Variants in EDAR observed in about 807,000 individuals in gnomAD.
The protein encoded by EDAR is ectodysplasin A receptor, also known as tumor necrosis factor receptor superfamily member EDAR.
In EDAR, 38 loss-of-function variants were observed where a neutral mutation model predicts 51.3. The observed-to-expected ratio is 0.74, with a 90% confidence interval of 0.57 to 0.97. The LOEUF is 0.97. EDAR is among the 50% of genes least tolerant of loss of function. The pLI is 0.00. For missense variants in EDAR, 528 were observed against 595.0 expected, an observed-to-expected ratio of 0.89 and a Z score of 1.17; for synonymous variants, 227 against 242.1, an observed-to-expected ratio of 0.94 and a Z score of 0.58.
intron 1 of EDAR, among the ~76,000 whole-genome samples, chr2:108,973,058 C>T (rs1311238078): frequency 1.3e-5 from 2 of 152,160 alleles, no homozygotes; most frequent in African/African-American, 4.8e-5. Context: ...GCAATTTCAG[C>T]TCACCGTAAC....
chr2:108,913,923 C>T (rs1436728992), intron 5 of EDAR, among the ~76,000 whole-genome samples: 2 of 127,632 alleles, frequency 1.6e-5, no homozygotes, highest in African/African-American at 2.9e-5. Context: ...GCACTCCAGC[C>T]TGGGTGACAC....
chr2:108,931,152 CA>C, intron 1 of EDAR, 120 bp from the exon 2 acceptor site: 1 of 809,654 alleles, frequency 1.2e-6, no homozygotes, highest in Non-Finnish European at 2.1e-6. Flanking sequence ...GGAAACTATA[CA>C]TCCTAAAAGA....
intron 1 of EDAR, among the ~76,000 whole-genome samples, chr2:108,937,542 TGA>T (rs199830192): frequency 2.3e-4 from 35 of 151,902 alleles, no homozygotes; most frequent in East Asian, 9.7e-4. Flanking sequence ...TGTATGTGTG[TGA>T]GTGTGTGAAT....
At position 108,906,357 on chromosome 2, in the gene EDAR, C is replaced by T; in HGVS notation, c.975G>A (p.Arg325=). 2 of 1,614,156 alleles carry T rather than the reference C, an allele frequency of 1.2e-6. No homozygotes were observed. The highest frequency in any genetic ancestry group is 1.7e-6 in the Non-Finnish European group (2 of 1,180,014). ...CATACACATCGAGGATCTTTTTCCT[C>T]CGGCTTTGAATCTGTGAAAAAGAGT... ...TSNKSAGIQS[R]RKKILDVYAN... Residue 325 remains arginine (R), a synonymous_variant, in exon 11 of 12, where the codon CGG becomes CGA. Coordinates refer to ENST00000258443, the MANE Select transcript of EDAR (RefSeq NM_022336.4).
At chr2:108,948,623 G>C (rs1697761312) in intron 1 of EDAR, among the ~76,000 whole-genome samples, 1 of 152,166 alleles carries the variant, frequency 6.6e-6, no homozygotes, top group Admixed American at 6.5e-5. Context: ...GCAGGAGAGA[G>C]AGAGAGAGTG....
intron 1 of EDAR, among the ~76,000 whole-genome samples, chr2:108,962,911 C>T (rs1698079437): frequency 6.6e-6 from 1 of 152,164 alleles, no homozygotes; most frequent in Non-Finnish European, 1.5e-5. Context: ...GATCTGCAGA[C>T]AATCCCAGTG....
chr2:108,927,146 C>T (rs771487583), intron 4 of EDAR, among the ~76,000 whole-genome samples: 9 of 152,184 alleles, frequency 5.9e-5, no homozygotes, highest in Non-Finnish European at 1.0e-4. Flanking sequence ...CGTCTGCACC[C>T]CTGCGGAGCA....
intron 5 of EDAR, among the ~76,000 whole-genome samples, chr2:108,922,645 C>A (rs1298921926): frequency 6.6e-6 from 1 of 152,100 alleles, no homozygotes; most frequent in Non-Finnish European, 1.5e-5. Flanking sequence ...GGCAGGGTCC[C>A]AGGGTCAGCT....
chr2:108,986,760 G>A (rs1698507327), intron 1 of EDAR, among the ~76,000 whole-genome samples: 2 of 152,088 alleles, frequency 1.3e-5, no homozygotes, highest in Non-Finnish European at 2.9e-5. Flanking sequence ...TATTTTTTAG[G>A]AAAATAGTAA....
chr2:108,933,416 G>A (rs1219261953), intron 1 of EDAR, among the ~76,000 whole-genome samples: 1 of 152,176 alleles, frequency 6.6e-6, no homozygotes, highest in East Asian at 1.9e-4. Flanking sequence ...GGAGAAGGGG[G>A]TCCCAGGGGA....
chr2:108,895,273 A>G lies in EDAR; in HGVS notation c.*1634T>C, dbSNP rs890040265. On this transcript the variant is annotated 3_prime_UTR_variant, in exon 12 of 12. Coordinates refer to ENST00000258443, the MANE Select transcript of EDAR (RefSeq NM_022336.4). Reference sequence around the variant, plus strand: ...AAAGATATGACTGATTTTCCCCCTAAAGCATTTTTTCAGTCATGCAACTTG... The same window carrying G: ...AAAGATATGACTGATTTTCCCCCTAGAGCATTTTTTCAGTCATGCAACTTG... 4.6e-5 allele frequency: 7 copies of G among 152,574 alleles called. No individual in the cohort carries two copies. Among genetic ancestry groups the G allele is most frequent in the African/African-American group, 1.4e-4 (6 of 41,400 alleles). The allele number at this position is 152,574 out of a possible 1,614,324, so 9.5% of individuals were successfully genotyped here.
chr2:108,929,415 T>A, intron 3 of EDAR, 36 bp from the exon 4 acceptor site: 1 of 1,608,632 alleles, frequency 6.2e-7, no homozygotes, highest in African/African-American at 1.3e-5. Context: ...CACAGGTGAG[T>A]GCAGCAGCCA....
intron 1 of EDAR, among the ~76,000 whole-genome samples, chr2:108,978,259 C>A (rs183612620): frequency 6.6e-6 from 1 of 152,108 alleles, no homozygotes; most frequent in African/African-American, 2.4e-5. Flanking sequence ...CCAGGCAGGG[C>A]GTGGAAGTGT....
chr2:108,980,585 T>C (rs1698402452), intron 1 of EDAR, among the ~76,000 whole-genome samples: 1 of 152,288 alleles, frequency 6.6e-6, no homozygotes, highest in East Asian at 1.9e-4. Context: ...GACACTGTTA[T>C]GGATAAAGGT....
rs548388313 is a variant in EDAR at position 108,895,487 on chromosome 2, T to A, written c.*1420A>T. The A allele has an allele frequency of 1.5e-4, 23 of 152,400 alleles. No homozygotes were observed. Among genetic ancestry groups the A allele is most frequent in the African/African-American group, 5.3e-4 (22 of 41,570 alleles). The allele number at this position is 152,400 out of a possible 1,614,324, so 9.4% of individuals were successfully genotyped here. ...AAGAACAATGCCAGTTTATTAACTT[T>A]CTGCCTATAAATGTTATGTCAAACC... On this transcript the variant is annotated 3_prime_UTR_variant, in exon 12 of 12. Coordinates refer to ENST00000258443, the MANE Select transcript of EDAR (RefSeq NM_022336.4).
chr2:108,968,506 T>C (rs1698185730), intron 1 of EDAR, among the ~76,000 whole-genome samples: 2 of 152,204 alleles, frequency 1.3e-5, no homozygotes, highest in South Asian at 4.1e-4. Context: ...AGAAATATTC[T>C]GGCTTGTTGA....
At chr2:108,931,099 A>G in intron 1 of EDAR, 67 bp from the exon 2 acceptor site, 1 of 1,319,330 alleles carries the variant, frequency 7.6e-7, no homozygotes, top group Non-Finnish European at 1.1e-6. Flanking sequence ...GGCTACCTTT[A>G]TTTAACCCCA....
At chr2:108,956,921 T>C (rs1425132951) in intron 1 of EDAR, among the ~76,000 whole-genome samples, 2 of 152,184 alleles carry the variant, frequency 1.3e-5, no homozygotes, top group South Asian at 2.1e-4. Context: ...CCCGAGTAGC[T>C]GGGATTACAG....
chr2:108,911,591 GC>G (rs1553445780), intron 6 of EDAR, among the ~76,000 whole-genome samples: 4 of 152,290 alleles, frequency 2.6e-5, no homozygotes, highest in Non-Finnish European at 1.5e-5. Context: ...TATTCCACCT[GC>G]ACTGCCGCCT....
Sources: gnomAD v4.1 joint callset for allele counts (sites outside exome capture counted in the v4.1 genomes callset) on GRCh38, gnomAD v4.1.1 for gene constraint, MANE v1.5 for transcripts, NCBI Gene and HGNC (gene_info 2026-07-23, HGNC 2026-07-21) for gene names.